Variants in SRRD observed in about 807,000 individuals in gnomAD.
SRRD encodes SRR1 domain containing, also known as SRR1-like protein.
A neutral mutation model predicts 30.7 loss-of-function variants in SRRD; 28 were observed. The observed-to-expected ratio is 0.91, with a 90% confidence interval of 0.68 to 1.25. The LOEUF (loss-of-function observed/expected upper bound fraction) is 1.25. Among genes scored for constraint, SRRD ranks in the 50% most tolerant of loss-of-function variants. SRRD has a pLI of 0.00. For synonymous variants in SRRD, 161 were observed against 159.6 expected, an observed-to-expected ratio of 1.01 and a Z score of -0.07; for missense variants, 415 against 417.3, an observed-to-expected ratio of 0.99 and a Z score of 0.05.
chr22:26,493,991 G>T lies in SRRD; in HGVS notation c.*2319G>T. On this transcript the variant is annotated 3_prime_UTR_variant, in exon 7 of 7. Transcript: ENST00000215917. Reference sequence around the variant, plus strand: ...GCCAGCTGACCATGTACCCCAGTCAGCAGGGTGAGAGTCTGTTGCTATGTG... The same window carrying T: ...GCCAGCTGACCATGTACCCCAGTCATCAGGGTGAGAGTCTGTTGCTATGTG... 1.2e-6 allele frequency: 1 copy of T among 825,812 alleles called. No homozygotes were observed. The highest frequency in any genetic ancestry group is 1.9e-6 in the Non-Finnish European group (1 of 535,764). The allele number at this position is 825,812 out of a possible 1,614,324, so 51.2% of individuals were successfully genotyped here.
rs1921343401 is a variant in SRRD, at chr22:26,492,458, C to T, written c.*786C>T. 1 of 1,249,024 alleles carries T rather than the reference C, an allele frequency of 8.0e-7. No individual in the cohort carries two copies. The highest frequency in any genetic ancestry group is 1.1e-6 in the Non-Finnish European group (1 of 875,328). The allele number at this position is 1,249,024 out of a possible 1,614,324, so 77.4% of individuals were successfully genotyped here. On this transcript the variant is annotated 3_prime_UTR_variant, in exon 7 of 7. Coordinates refer to ENST00000215917, the MANE Select transcript of SRRD (RefSeq NM_001013694.3). ...GGCTTGGCCCAGGTCTTGGGTGTGCCAGAGTGCTTGTGACTCACTGAAGGG... is the reference window on the plus strand; with the variant it reads ...GGCTTGGCCCAGGTCTTGGGTGTGCTAGAGTGCTTGTGACTCACTGAAGGG...
Position 26,492,672 on chromosome 22 carries a change from A to G in SRRD, c.*1000A>G, listed in dbSNP as rs1921360594. 3.0e-6 allele frequency: 1 copy of G among 336,650 alleles called. No individual in the cohort carries two copies. Among genetic ancestry groups the G allele is most frequent in the Non-Finnish European group, 5.6e-6 (1 of 177,916 alleles). The allele number at this position is 336,650 out of a possible 1,614,324, so 20.9% of individuals were successfully genotyped here. Reference sequence around the variant, plus strand: ...AAACATTAACAGAGAGTCCTCAGCCACTCTTCTGTTCCCACCTTGCTCTGT... The same window carrying G: ...AAACATTAACAGAGAGTCCTCAGCCGCTCTTCTGTTCCCACCTTGCTCTGT... On this transcript the variant is annotated 3_prime_UTR_variant, in exon 7 of 7. Coordinates refer to ENST00000215917, the MANE Select transcript of SRRD (RefSeq NM_001013694.3).
intron 4 of SRRD, 36 bp from the exon 5 acceptor site, chr22:26,490,008 T>C (rs779925355): frequency 8.7e-6 from 14 of 1,611,346 alleles, no homozygotes; most frequent in Admixed American, 1.7e-5. Context: ...GAATAGGTTG[T>C]GGGCATGTTT....
rs71192931 is a variant in SRRD at position 26,490,559 on chromosome 22, CT to C, written c.764+383del. On this transcript the variant is annotated intron_variant, in intron 5 of 6. Coordinates refer to ENST00000215917, the MANE Select transcript of SRRD (RefSeq NM_001013694.3). Reference sequence around the variant, plus strand: ...ATGGGCACAATTACTGGAATATTTGCTTTTTTTTTTTTTTTTTTTTTTGAGA... The same window carrying C: ...ATGGGCACAATTACTGGAATATTTGCTTTTTTTTTTTTTTTTTTTTTGAGA... Among the ~76,000 whole-genome samples the C allele has an allele frequency of 9.7e-3, 502 of 51,824 alleles. 3 individuals are homozygous for C. Among genetic ancestry groups the C allele is most frequent in the Middle Eastern group, 0.033 (1 of 30 alleles). The allele number at this position is 51,824 out of a possible 152,430, so 34.0% of individuals were successfully genotyped here. A position where few individuals can be genotyped will look rare whatever the true frequency, so the allele number is the denominator to read the frequency against.
In SRRD at chr22:26,483,967, G is replaced by A. The variant is rs1428621776; in HGVS notation, c.77G>A (p.Arg26Gln). 3 of 1,360,450 alleles carry A rather than the reference G, an allele frequency of 2.2e-6. No individual in the cohort carries two copies. In the South Asian group the frequency reaches 5.1e-5, roughly 23 times the overall value. The allele number at this position is 1,360,450 out of a possible 1,614,324, so 84.3% of individuals were successfully genotyped here. A position where few individuals can be genotyped will look rare whatever the true frequency, so the allele number is the denominator to read the frequency against. Residue 26 changes from arginine (R) to glutamine (Q), a missense_variant, in exon 1 of 7, where the codon CGG (arginine) becomes CAG (glutamine). Arg to Gln is a conservative substitution (Grantham distance 43). Coordinates refer to ENST00000215917, the MANE Select transcript of SRRD (RefSeq NM_001013694.3). The stretch of plus-strand genomic sequence containing the variant: ...CGGAAGAGGCGCTCCGCGGCTCGAC[G>A]GCCGCGGCGGAGGGAGGCGGCGCCC... Reference protein sequence around the residue: ...APRKRRSAARRPRRREAAPRG... With the variant: ...APRKRRSAARQPRRREAAPRG...
chr22:26,492,302 T>A lies in SRRD; in HGVS notation c.*630T>A. On this transcript the variant is annotated 3_prime_UTR_variant, in exon 7 of 7. Coordinates refer to ENST00000215917, the MANE Select transcript of SRRD (RefSeq NM_001013694.3). ...CTCCTGCATGGCCTCGTACTGGAAG[T>A]CCTTCCTCCGCTCCGTGTGGGTGAG... 1 of 1,614,196 alleles carries A rather than the reference T, an allele frequency of 6.2e-7. No homozygotes were observed. Among genetic ancestry groups the A allele is most frequent in the Non-Finnish European group, 8.5e-7 (1 of 1,180,040 alleles).
At chr22:26,490,752 T>A in intron 5 of SRRD, 1 of 375,014 alleles carries the variant, frequency 2.7e-6, no homozygotes, top group Non-Finnish European at 4.9e-6. Flanking sequence ...TTAGTAGAGA[T>A]GGGGTTTTAC....
chr22:26,490,559 C>CTTTTTTTTTGTTTTTTTTTTTTTTT (rs1921028728), intron 5 of SRRD, among the ~76,000 whole-genome samples: 1 of 51,834 alleles, frequency 1.9e-5, no homozygotes, highest in Non-Finnish European at 3.4e-5. Context: ...GGAATATTTG[C>CTTTTTTTTTGTTTTTTTTTTTTTTT]TTTTTTTTTT....
chr22:26,492,211 G>A lies in SRRD; in HGVS notation c.*539G>A. The A allele has an allele frequency of 1.9e-6, 3 of 1,614,220 alleles. No homozygotes were observed. Among genetic ancestry groups the A allele is most frequent in the South Asian group, 1.1e-5 (1 of 91,084 alleles). ...CCTTGGTCTCAATGAGGTCCTTAAA[G>A]TTCATGGGCACAGAGCTAGCGGCCA... On this transcript the variant is annotated 3_prime_UTR_variant, in exon 7 of 7. Transcript: ENST00000215917.
chr22:26,491,363 AAAGTAAAGTGGGGATGAC>A (rs1921150851), intron 6 of SRRD, 82 bp from the exon 7 acceptor site: 1 of 1,007,582 alleles, frequency 9.9e-7, no homozygotes, highest in East Asian at 2.4e-5. Flanking sequence ...ATTTTTTTAA[AAAGTAAAGTGGGGATGAC>A]AAGTAAAGTG....
Position 26,491,717 on chromosome 22 carries a change from C to T in SRRD, c.*45C>T, listed in dbSNP as rs746041781. The T allele has an allele frequency of 2.7e-5, 42 of 1,540,954 alleles. No individual in the cohort carries two copies. The highest frequency in any genetic ancestry group is 3.5e-5 in the Non-Finnish European group (39 of 1,128,426). ...GTGTTGGCTGAGGTAGAAGCTGCCA[C>T]CAGAGACTAAAGGGAAGGCTGCTAT... is the stretch of plus-strand genomic sequence containing the variant. On this transcript the variant is annotated 3_prime_UTR_variant, in exon 7 of 7. Transcript: ENST00000215917.
chr22:26,490,495 A>G (rs1277602446), intron 5 of SRRD, among the ~76,000 whole-genome samples: 1 of 147,910 alleles, frequency 6.8e-6, no homozygotes, highest in Non-Finnish European at 1.5e-5. Context: ...ATTCTGTTTC[A>G]CGTGCTTAGG....
chr22:26,488,602 GCCTGCTCACTTTTGT>G lies in SRRD; in HGVS notation c.609+115_609+129del, dbSNP rs1569151616. 4.7e-5 allele frequency: 37 copies of G among 784,910 alleles called. 1 individual carries two copies. In the East Asian group the frequency reaches 9.1e-4, roughly 19 times the overall value. The allele number at this position is 784,910 out of a possible 1,614,324, so 48.6% of individuals were successfully genotyped here. A position where few individuals can be genotyped will look rare whatever the true frequency, so the allele number is the denominator to read the frequency against. On this transcript the variant is annotated intron_variant, in intron 4 of 6. Coordinates refer to ENST00000215917, the MANE Select transcript of SRRD (RefSeq NM_001013694.3). Reference sequence around the variant, plus strand: ...CAGTGGCAGCCATTCCTCTCTTACCGCCTGCTCACTTTTGTAGTGCCTGAACGATGTAACCAGCCA... The same window carrying G: ...CAGTGGCAGCCATTCCTCTCTTACCGAGTGCCTGAACGATGTAACCAGCCA...
chr22:26,488,282 G>A lies in SRRD; in HGVS notation c.504G>A (p.Lys168=). 10 of 1,613,642 alleles carry A rather than the reference G, an allele frequency of 6.2e-6. No homozygotes were observed. The highest frequency in any genetic ancestry group is 7.6e-6 in the Non-Finnish European group (9 of 1,179,570). The part of the protein sequence containing the change: ...QLTFLLLLLE[K]CQIPRSHCWV... ...CGTTTTTGCTGCTTTTGTTGGAAAA[G>A]TGCCAGGTACATTTTTGGATTCATT... The change falls in exon 3 of 7, where the codon AAG becomes AAA. Residue 168 remains lysine (K), a synonymous_variant. Coordinates refer to ENST00000215917, the MANE Select transcript of SRRD (RefSeq NM_001013694.3).
Position 26,488,192 on chromosome 22 carries a change from T to C in SRRD, c.414T>C (p.His138=), listed in dbSNP as rs2091722724. ...AGATCTTGGTCACAGGAACCTGCCA[T>C]TTGAAGTGTGTGTGTTACGGCATTG... ...PREILVTGTC[H]LKCVCYGIGN... is the part of the protein sequence containing the mutation. Residue 138 remains histidine (H), a synonymous_variant, in exon 3 of 7, where the codon CAT becomes CAC. Coordinates refer to ENST00000215917, the MANE Select transcript of SRRD (RefSeq NM_001013694.3). The C allele has an allele frequency of 6.2e-7, 1 of 1,614,190 alleles. No individual in the cohort carries two copies. Among genetic ancestry groups the C allele is most frequent in the South Asian group, 1.1e-5 (1 of 91,082 alleles).
At chr22:26,489,038 T>C (rs1394023450) in intron 4 of SRRD, among the ~76,000 whole-genome samples, 2 of 152,196 alleles carry the variant, frequency 1.3e-5, no homozygotes, top group African/African-American at 4.8e-5. Flanking sequence ...CCAAAGCCAG[T>C]ATGAGCAAAT....
intron 1 of SRRD, among the ~76,000 whole-genome samples, chr22:26,484,548 T>A (rs1315487707): frequency 6.6e-6 from 1 of 152,262 alleles, no homozygotes; most frequent in African/African-American, 2.4e-5. Context: ...ATCAGGCAGC[T>A]GCTATGTGCC....
Position 26,492,450 on chromosome 22 carries a change from G to T in SRRD, c.*778G>T. ...GACACTGTGGCTTGGCCCAGGTCTT[G>T]GGTGTGCCAGAGTGCTTGTGACTCA... On this transcript the variant is annotated 3_prime_UTR_variant, in exon 7 of 7. Transcript: ENST00000215917. 7.5e-7 allele frequency: 1 copy of T among 1,335,032 alleles called. No homozygotes were observed. The allele number at this position is 1,335,032 out of a possible 1,614,324, so 82.7% of individuals were successfully genotyped here.
Position 26,492,232 on chromosome 22 carries a change from G to A in SRRD, c.*560G>A, listed in dbSNP as rs754504467. On this transcript the variant is annotated 3_prime_UTR_variant, in exon 7 of 7. Coordinates refer to ENST00000215917, the MANE Select transcript of SRRD (RefSeq NM_001013694.3). ...TAAAGTTCATGGGCACAGAGCTAGC[G>A]GCCACGCCAATGCCCCTCTGAGCCA... The A allele has an allele frequency of 1.6e-5, 26 of 1,614,180 alleles. No individual in the cohort carries two copies. The highest frequency in any genetic ancestry group is 1.6e-4 in the Middle Eastern group (1 of 6,062).
Sources: allele counts gnomAD v4.1 joint callset (sites outside exome capture counted in the v4.1 genomes callset), GRCh38; gene constraint gnomAD v4.1.1; transcripts MANE v1.5; gene names NCBI Gene and HGNC (gene_info 2026-07-23, HGNC 2026-07-21).